The following AHCTF1 variants were observed in gnomAD, a reference collection of about 807,000 sequenced individuals.
The protein encoded by AHCTF1 is AT-hook containing transcription factor 1.
Under a neutral mutation model 248.4 loss-of-function variants are expected in AHCTF1, and 24 were observed. The ratio of observed to expected loss-of-function variants is 0.10; its 90% CI spans 0.07 to 0.14. The LOEUF (loss-of-function observed/expected upper bound fraction) is 0.14, where lower values mean the gene tolerates loss of function less well. AHCTF1 is among the 10% of genes least tolerant of loss of function. AHCTF1 has a pLI of 1.00. For synonymous variants in AHCTF1, 786 were observed against 929.8 expected, an observed-to-expected ratio of 0.85 and a Z score of 2.81; for missense variants, 2,206 against 2,636.2, an observed-to-expected ratio of 0.84 and a Z score of 3.57.
chr1:246,907,735 G>C lies in AHCTF1; in HGVS notation c.580C>G (p.Pro194Ala). The C allele has an allele frequency of 3.7e-6, 6 of 1,612,932 alleles. No homozygotes were observed. Among genetic ancestry groups the C allele is most frequent in the Non-Finnish European group, 4.2e-6 (5 of 1,179,654 alleles). ...TCTCTAATGTGTGGTACTTCAGCTG[G>C]GATACCAGTTAGAACTTCAAGATCT... ...ASDLEVLTGIPAEVPHIRESV... is the reference protein window; with the variant it reads ...ASDLEVLTGIAAEVPHIRESV... Residue 194 changes from proline to alanine, a missense_variant, in exon 5 of 36, where the codon CCA becomes GCA. Pro to Ala is a conservative substitution (Grantham distance 27). Coordinates refer to ENST00000648844, the MANE Select transcript of AHCTF1 (RefSeq NM_001323342.2).
chr1:246,896,992 T>C (rs984257875), intron 12 of AHCTF1, among the ~76,000 whole-genome samples: 2 of 152,212 alleles, frequency 1.3e-5, no homozygotes, highest in Non-Finnish European at 2.9e-5. Context: ...CTATAGTTTA[T>C]AGAAGTTCTA....
At chr1:246,875,605 C>T (rs182712900) in intron 24 of AHCTF1, among the ~76,000 whole-genome samples, 25 of 152,282 alleles carry the variant, frequency 1.6e-4, no homozygotes, top group Middle Eastern at 3.4e-3. Flanking sequence ...ACTGTGTCAT[C>T]GTAAGAAACT....
intron 29 of AHCTF1, among the ~76,000 whole-genome samples, chr1:246,858,263 C>A (rs1021906907): frequency 6.6e-6 from 1 of 151,940 alleles, no homozygotes; most frequent in African/African-American, 2.4e-5. Context: ...CCGGCCAACA[C>A]CTTCTTCTTC....
At chr1:246,860,193 G>A (rs943576834) in intron 29 of AHCTF1, among the ~76,000 whole-genome samples, 3 of 151,966 alleles carry the variant, frequency 2.0e-5, no homozygotes, top group Admixed American at 2.0e-4. Flanking sequence ...CTGGTTGGGG[G>A]GGGGGCGGAG....
At chr1:246,858,959 G>C (rs1661314448) in intron 29 of AHCTF1, among the ~76,000 whole-genome samples, 1 of 152,156 alleles carries the variant, frequency 6.6e-6, no homozygotes, top group Non-Finnish European at 1.5e-5. Flanking sequence ...CAGGACCGGT[G>C]GCGCATGCCT....
rs150032385 is a variant in AHCTF1 at position 246,929,079 on chromosome 1, G to A, written c.-8+2499C>T. Among the ~76,000 whole-genome samples, 178 of 152,244 alleles carry A rather than the reference G, an allele frequency of 1.2e-3. 2 individuals carry two copies. The East Asian group carries it at 0.024, about 21-fold the overall frequency. On this transcript the variant is annotated intron_variant, in intron 1 of 35. Coordinates refer to ENST00000648844, the MANE Select transcript of AHCTF1 (RefSeq NM_001323342.2). Reference sequence around the variant, plus strand: ...ACTACAATAGAGGTACATATGCTGTGAGATCCCAGTAAAAAAGTGGGATAA... The same window carrying A: ...ACTACAATAGAGGTACATATGCTGTAAGATCCCAGTAAAAAAGTGGGATAA...
intron 33 of AHCTF1, among the ~76,000 whole-genome samples, chr1:246,845,365 TAAAA>T (rs146736366): frequency 4.8e-4 from 73 of 151,294 alleles, no homozygotes; most frequent in African/African-American, 1.3e-3. Context: ...ATATGATTCT[TAAAA>T]AAAAGAAAAA....
chr1:246,894,855 T>C, intron 13 of AHCTF1, 107 bp from the exon 14 acceptor site: 2 of 886,810 alleles, frequency 2.3e-6, no homozygotes, highest in Non-Finnish European at 3.6e-6. Flanking sequence ...CGAGTGAACA[T>C]CAACACTTCA....
intron 8 of AHCTF1, among the ~76,000 whole-genome samples, chr1:246,901,112 G>A (rs1375081452): frequency 2.6e-5 from 4 of 152,142 alleles, no homozygotes; most frequent in Non-Finnish European, 4.4e-5. Context: ...GGCCAGGTGG[G>A]CAGATCAATT....
In AHCTF1 at chr1:246,881,100, A is replaced by C. The variant is rs541636517; in HGVS notation, c.2661-3798T>G. Among the ~76,000 whole-genome samples the C allele has an allele frequency of 2.3e-4, 35 of 152,330 alleles. No homozygotes were observed. The South Asian group carries it at 7.0e-3, about 31-fold the overall frequency. On this transcript the variant is annotated intron_variant, in intron 21 of 35. Coordinates refer to ENST00000648844, the MANE Select transcript of AHCTF1 (RefSeq NM_001323342.2). ...AAAAGACATTCAAGAGAGGTAAACA[A>C]CCAACCACTGATTTCTAGTGACTGG... is the stretch of plus-strand genomic sequence containing the variant.
chr1:246,915,007 A>C (rs913394712), intron 3 of AHCTF1, among the ~76,000 whole-genome samples: 1 of 152,188 alleles, frequency 6.6e-6, no homozygotes, highest in African/African-American at 2.4e-5. Flanking sequence ...CAATCCAAGC[A>C]AGCCTTTTAC....
intron 24 of AHCTF1, among the ~76,000 whole-genome samples, chr1:246,869,355 A>G (rs1032791783): frequency 6.6e-6 from 1 of 152,188 alleles, no homozygotes; most frequent in Non-Finnish European, 1.5e-5. Context: ...TGTTCATGTG[A>G]AAGGAGGAGT....
At chr1:246,901,581 G>C (rs755527541) in intron 8 of AHCTF1, among the ~76,000 whole-genome samples, 2 of 152,240 alleles carry the variant, frequency 1.3e-5, no homozygotes, top group African/African-American at 2.4e-5. Flanking sequence ...CTGAGATCGT[G>C]CAACTGCACT....
intron 33 of AHCTF1, 79 bp from the exon 34 acceptor site, chr1:246,844,007 A>T (rs1233006445): frequency 3.8e-6 from 4 of 1,049,750 alleles, no homozygotes; most frequent in Non-Finnish European, 5.0e-6. Flanking sequence ...ACCTGGAACA[A>T]ATTATGTGTT....
rs1661575799 is a variant in AHCTF1 at position 246,861,837 on chromosome 1, C to A, written c.3735+122G>T. ...CCTTTTCTTATTTCATTACTAGCTACAAGATTATATACAAAAATCTATAGT... is the reference window on the plus strand; with the variant it reads ...CCTTTTCTTATTTCATTACTAGCTAAAAGATTATATACAAAAATCTATAGT... On this transcript the variant is annotated intron_variant, in intron 28 of 35. Transcript: ENST00000648844. 7.0e-6 allele frequency: 6 copies of A among 854,302 alleles called. 1 individual carries two copies. The highest frequency in any genetic ancestry group is 1.7e-5 in the African/African-American group (1 of 57,804). The allele number at this position is 854,302 out of a possible 1,614,324, so 52.9% of individuals were successfully genotyped here. A position where few individuals can be genotyped will look rare whatever the true frequency, so the allele number is the denominator to read the frequency against.
In AHCTF1 at chr1:246,916,006, A is replaced by G. The variant is rs1439394066; in HGVS notation, c.375+136T>C. On this transcript the variant is annotated intron_variant, in intron 3 of 35. Transcript: ENST00000648844. ...TTTTATTCTAAACACTTTACCTAAG[A>G]GTAACACATTTACATAAAAGTATAC... 4 of 1,026,528 alleles carry G rather than the reference A, an allele frequency of 3.9e-6. No homozygotes were observed. In the Admixed American group the frequency reaches 1.2e-4, roughly 31 times the overall value. The allele number at this position is 1,026,528 out of a possible 1,614,324, so 63.6% of individuals were successfully genotyped here. A position where few individuals can be genotyped will look rare whatever the true frequency, so the allele number is the denominator to read the frequency against.
chr1:246,846,725 T>TATATAC lies in AHCTF1; in HGVS notation c.6392-2803_6392-2798dup, dbSNP rs201346302. ...ATATTACGTTTAAGATTTTGAAATA[T>TATATAC]ATATACATATACATATATATATTTT... On this transcript the variant is annotated intron_variant, in intron 33 of 35. Transcript: ENST00000648844. 6.2e-3 allele frequency among the ~76,000 whole-genome samples: 941 copies of TATATAC among 151,926 alleles called. 11 individuals carry two copies. Among genetic ancestry groups the TATATAC allele is most frequent in the African/African-American group, 0.021 (873 of 41,400 alleles).
At position 246,876,144 on chromosome 1, in the gene AHCTF1, T is replaced by G; in HGVS notation, c.2981A>C (p.Asn994Thr). Residue 994 changes from asparagine to threonine, a missense_variant, in exon 24 of 36, where the codon AAT (asparagine) becomes ACT (threonine). Asn to Thr is a moderately conservative substitution (Grantham distance 65). Around this residue, in one of 6 missense-constraint regions of AHCTF1, gnomAD observed 955 missense variants for 1,055.6 expected, o/e 0.90. Coordinates refer to ENST00000648844, the MANE Select transcript of AHCTF1 (RefSeq NM_001323342.2). Reference sequence around the variant, plus strand: ...TTTTCCATACTGGTCTAATATAGAATTTCGAGCCAGTGATCTCTCCCGCAA... The same window carrying G: ...TTTTCCATACTGGTCTAATATAGAAGTTCGAGCCAGTGATCTCTCCCGCAA... ...PRLRERSLAR[N>T]SILDQYGKIL... 1 of 1,604,624 alleles carries G rather than the reference T, an allele frequency of 6.2e-7. No individual in the cohort carries two copies. The highest frequency in any genetic ancestry group is 8.5e-7 in the Non-Finnish European group (1 of 1,175,542).
At chr1:246,910,014 A>C (rs1665687836) in intron 4 of AHCTF1, among the ~76,000 whole-genome samples, 2 of 152,244 alleles carry the variant, frequency 1.3e-5, no homozygotes, top group Admixed American at 1.3e-4. Flanking sequence ...CACCATGTGA[A>C]TCCACTGATC....
Sources: allele counts gnomAD v4.1 joint callset (sites outside exome capture counted in the v4.1 genomes callset), GRCh38; gene constraint gnomAD v4.1.1; regional missense constraint gnomAD v4.1.1; transcripts MANE v1.5; gene names NCBI Gene and HGNC (gene_info 2026-07-23, HGNC 2026-07-21).